The following PRELID2 variants were observed in gnomAD, a reference collection of about 807,000 sequenced individuals.
The protein encoded by PRELID2 is PRELI domain-containing protein 2.
A neutral mutation model predicts 28.4 loss-of-function variants in PRELID2; 25 were observed. The observed-to-expected ratio is 0.88, with a 90% CI of 0.64 to 1.23. PRELID2 has a LOEUF of 1.23. PRELID2 is among the 50% of genes most tolerant of loss of function. The probability of loss-of-function intolerance (pLI) is 0.00; values close to 1 mark genes in which losing one functional copy is unlikely to be tolerated. For synonymous variants in PRELID2, 76 were observed against 71.6 expected (o/e 1.06, Z -0.31); for missense variants, 201 against 214.4 (o/e 0.94, Z 0.39).
intron 1 of PRELID2, among the ~76,000 whole-genome samples, chr5:145,491,513 C>A (rs753444783): frequency 6.6e-6 from 1 of 152,152 alleles, no homozygotes; most frequent in African/African-American, 2.4e-5. Context: ...AGCTAATTAA[C>A]ATATGCATTA....
chr5:145,805,991 G>C (rs1297674668), intron 4 of PRELID2, among the ~76,000 whole-genome samples: 1 of 152,188 alleles, frequency 6.6e-6, no homozygotes, highest in African/African-American at 2.4e-5. Flanking sequence ...GATGGAGCCT[G>C]CAGTACCGAG....
the PRELID2 span, among the ~76,000 whole-genome samples, chr5:145,372,456 T>C: frequency 6.6e-6 from 1 of 152,090 alleles, no homozygotes; most frequent in Non-Finnish European, 1.5e-5. Flanking sequence ...TGTTAAAATC[T>C]CCCATTATTT....
chr5:145,500,959 T>C (rs192452337), intron 1 of PRELID2, among the ~76,000 whole-genome samples: 15 of 152,274 alleles, frequency 9.9e-5, no homozygotes, highest in Non-Finnish European at 2.2e-4. Flanking sequence ...GATGATTTTA[T>C]GACTGCAAGC....
intron 1 of PRELID2, among the ~76,000 whole-genome samples, chr5:145,492,684 T>A (rs1448177366): frequency 7.1e-6 from 1 of 141,470 alleles, no homozygotes; most frequent in Non-Finnish European, 1.6e-5. Context: ...CATTTTGAGT[T>A]GATTTCTGAA....
chr5:145,726,279 G>A (rs1756153997), intron 1 of PRELID2, among the ~76,000 whole-genome samples: 3 of 146,372 alleles, frequency 2.0e-5, no homozygotes, highest in African/African-American at 7.8e-5. Context: ...AAGAGAGAAA[G>A]AGACAGAAAG....
chr5:145,831,603 A>G (rs1258774078), intron 1 of PRELID2, among the ~76,000 whole-genome samples: 3 of 152,240 alleles, frequency 2.0e-5, no homozygotes, highest in Non-Finnish European at 4.4e-5. Context: ...AAATAGTCAC[A>G]TAGTTCCTCC....
the PRELID2 span, among the ~76,000 whole-genome samples, chr5:145,346,451 AT>A: frequency 6.6e-6 from 1 of 152,142 alleles, no homozygotes; most frequent in Admixed American, 6.6e-5. Flanking sequence ...GGAAAATACT[AT>A]CCCTTCTCCT....
chr5:145,626,467 A>G (rs1753845544), intron 1 of PRELID2, among the ~76,000 whole-genome samples: 1 of 152,170 alleles, frequency 6.6e-6, no homozygotes, highest in Admixed American at 6.6e-5. Flanking sequence ...TAAAACCACA[A>G]TGAGATACCA....
intron 1 of PRELID2, among the ~76,000 whole-genome samples, chr5:145,623,641 G>A (rs755159718): frequency 2.0e-4 from 30 of 151,186 alleles, no homozygotes; most frequent in Non-Finnish European, 3.4e-4. Context: ...AGATAGGTAG[G>A]TAGGTAGATA....
intron 1 of PRELID2, among the ~76,000 whole-genome samples, chr5:145,547,770 G>A (rs1752800374): frequency 6.6e-6 from 1 of 152,036 alleles, no homozygotes. Flanking sequence ...ATGTTGGTTT[G>A]GCTTTATCAT....
At chr5:145,275,388 T>G in the PRELID2 span, among the ~76,000 whole-genome samples, 1 of 151,606 alleles carries the variant, frequency 6.6e-6, no homozygotes, top group Non-Finnish European at 1.5e-5. Context: ...TAGGGGAGGG[T>G]CCAGGAGGCA....
the PRELID2 span, among the ~76,000 whole-genome samples, chr5:145,294,888 A>G: frequency 1.3e-5 from 2 of 152,130 alleles, no homozygotes; most frequent in African/African-American, 4.8e-5. Flanking sequence ...AGATGAATGA[A>G]TTTCTTTTTG....
chr5:145,610,427 T>G (rs1243130323), intron 1 of PRELID2, among the ~76,000 whole-genome samples: 1 of 151,926 alleles, frequency 6.6e-6, no homozygotes, highest in Non-Finnish European at 1.5e-5. Flanking sequence ...CCTGGAACTA[T>G]CTTCAGGTTA....
chr5:145,305,605 A>G, the PRELID2 span, among the ~76,000 whole-genome samples: 1 of 152,114 alleles, frequency 6.6e-6, no homozygotes, highest in Non-Finnish European at 1.5e-5. Context: ...GAGGAAAGGA[A>G]TTTGTCTGTG....
chr5:145,373,865 C>T, the PRELID2 span, among the ~76,000 whole-genome samples: 4 of 88,648 alleles, frequency 4.5e-5, no homozygotes, highest in African/African-American at 1.7e-4. Flanking sequence ...TTATATATTA[C>T]AACATATATA....
intron 6 of PRELID2, among the ~76,000 whole-genome samples, chr5:145,760,750 G>C (rs1458414609): frequency 6.6e-6 from 1 of 152,192 alleles, no homozygotes; most frequent in Non-Finnish European, 1.5e-5. Context: ...GAAGAGTTAA[G>C]ATATAGCTAA....
chr5:145,311,119 A>C, the PRELID2 span, among the ~76,000 whole-genome samples: 1 of 152,220 alleles, frequency 6.6e-6, no homozygotes, highest in Admixed American at 6.5e-5. Flanking sequence ...CAGAAACTAA[A>C]GTATTTCTCA....
the PRELID2 span, among the ~76,000 whole-genome samples, chr5:145,379,271 T>C: frequency 9.2e-5 from 14 of 152,288 alleles, no homozygotes; most frequent in Non-Finnish European, 1.6e-4. Context: ...AAGTGTTTCA[T>C]AGTGCAGTGA....
chr5:145,415,567 G>T, the PRELID2 span, among the ~76,000 whole-genome samples: 1 of 150,488 alleles, frequency 6.6e-6, no homozygotes, highest in Non-Finnish European at 1.5e-5. Flanking sequence ...TACTGAGAAT[G>T]ATGATTTCCA....
Sources: allele counts gnomAD v4.1 joint callset (sites outside exome capture counted in the v4.1 genomes callset), GRCh38; gene constraint gnomAD v4.1.1; transcripts MANE v1.5; gene names NCBI Gene and HGNC (gene_info 2026-07-23, HGNC 2026-07-21).